Variants in CLSTN2 observed in about 807,000 individuals in gnomAD.
CLSTN2 encodes calsyntenin-2.
CLSTN2 carries 48 observed loss-of-function variants against 101.2 expected under a neutral mutation model. That is an observed-to-expected ratio of 0.47 (90% CI 0.38 to 0.60). The LOEUF is 0.60. CLSTN2 is among the 20% of genes least tolerant of loss of function. CLSTN2 has a pLI of 0.00. For missense variants in CLSTN2, 1,160 were observed against 1,238.2 expected (o/e 0.94, Z 0.95); for synonymous variants, 481 against 463.6 (o/e 1.04, Z -0.48).
intron 2 of CLSTN2, among the ~76,000 whole-genome samples, chr3:140,279,069 A>G (rs955024734): frequency 6.6e-6 from 1 of 152,176 alleles, no homozygotes; most frequent in Non-Finnish European, 1.5e-5. Flanking sequence ...CTACTCTAGT[A>G]CTATATATAA....
intron 1 of CLSTN2, among the ~76,000 whole-genome samples, chr3:140,086,418 C>T (rs1269298984): frequency 6.6e-6 from 1 of 152,102 alleles, no homozygotes; most frequent in African/African-American, 2.4e-5. Context: ...GACTCAATAT[C>T]TTCATATGTC....
intron 2 of CLSTN2, among the ~76,000 whole-genome samples, chr3:140,214,667 A>C (rs1338087425): frequency 6.6e-6 from 1 of 152,192 alleles, no homozygotes; most frequent in African/African-American, 2.4e-5. Context: ...TAATTATTTA[A>C]ATAGCATCTC....
chr3:140,121,192 C>T, intron 1 of CLSTN2, among the ~76,000 whole-genome samples: 1 of 152,164 alleles, frequency 6.6e-6, no homozygotes, highest in East Asian at 1.9e-4. Context: ...TTACAGGAAC[C>T]TCAAGATAGA....
chr3:140,058,518 G>A (rs1008060603), intron 1 of CLSTN2, among the ~76,000 whole-genome samples: 1 of 152,172 alleles, frequency 6.6e-6, no homozygotes, highest in Non-Finnish European at 1.5e-5. Context: ...AGCTTGAGCT[G>A]GTTAAGTCTA....
intron 2 of CLSTN2, among the ~76,000 whole-genome samples, chr3:140,392,698 A>C (rs2088129404): frequency 6.6e-6 from 1 of 152,136 alleles, no homozygotes; most frequent in Admixed American, 6.5e-5. Context: ...TTTGTGCCTA[A>C]GTTCCTAAAG....
intron 2 of CLSTN2, among the ~76,000 whole-genome samples, chr3:140,285,388 G>A (rs2086886589): frequency 6.6e-6 from 1 of 152,128 alleles, no homozygotes; most frequent in Non-Finnish European, 1.5e-5. Context: ...GCTTAAGGGA[G>A]TGTTATGCCC....
At chr3:140,390,857 C>A (rs1474232399) in intron 2 of CLSTN2, among the ~76,000 whole-genome samples, 2 of 152,220 alleles carry the variant, frequency 1.3e-5, no homozygotes, top group African/African-American at 2.4e-5. Context: ...CTTCACATGT[C>A]AAGTAAGTTT....
At chr3:140,375,315 C>T (rs1258605768) in intron 2 of CLSTN2, among the ~76,000 whole-genome samples, 3 of 152,112 alleles carry the variant, frequency 2.0e-5, no homozygotes, top group Non-Finnish European at 2.9e-5. Context: ...CTTTGTGATC[C>T]CTGGGGATCT....
chr3:140,347,817 T>C (rs2087564553), intron 2 of CLSTN2, among the ~76,000 whole-genome samples: 1 of 152,242 alleles, frequency 6.6e-6, no homozygotes, highest in African/African-American at 2.4e-5. Context: ...AAAGAATTTA[T>C]ATGTGGAATC....
At chr3:139,953,678 G>A (rs1935334012) in intron 1 of CLSTN2, among the ~76,000 whole-genome samples, 1 of 152,194 alleles carries the variant, frequency 6.6e-6, no homozygotes, top group African/African-American at 2.4e-5. Context: ...GTGGGAGGAT[G>A]ACTGAGGTAT....
At chr3:140,457,407 T>C (rs1035856948) in intron 6 of CLSTN2, among the ~76,000 whole-genome samples, 2 of 152,236 alleles carry the variant, frequency 1.3e-5, no homozygotes, top group African/African-American at 2.4e-5. Flanking sequence ...CCATGTTGTG[T>C]TATTCCAGGG....
intron 2 of CLSTN2, among the ~76,000 whole-genome samples, chr3:140,306,386 G>A (rs536393147): frequency 6.6e-6 from 1 of 152,092 alleles, no homozygotes; most frequent in South Asian, 2.1e-4. Flanking sequence ...AATTCTAAGA[G>A]GACAGCAACA....
intron 2 of CLSTN2, among the ~76,000 whole-genome samples, chr3:140,312,333 G>A (rs1374537364): frequency 6.6e-6 from 1 of 152,254 alleles, no homozygotes; most frequent in Non-Finnish European, 1.5e-5. Context: ...CTGGTTTGAA[G>A]AGCTGGCGCT....
At chr3:139,960,578 A>C (rs969696177) in intron 1 of CLSTN2, among the ~76,000 whole-genome samples, 2 of 152,230 alleles carry the variant, frequency 1.3e-5, no homozygotes, top group African/African-American at 4.8e-5. Context: ...CCCACTTACT[A>C]TCTGTCTTGA....
At chr3:140,080,181 T>C (rs1445512084) in intron 1 of CLSTN2, among the ~76,000 whole-genome samples, 2 of 152,172 alleles carry the variant, frequency 1.3e-5, no homozygotes, top group South Asian at 2.1e-4. Context: ...GAAACCAACA[T>C]TGAACCTCCT....
intron 1 of CLSTN2, among the ~76,000 whole-genome samples, chr3:139,967,453 C>A (rs1193647012): frequency 6.6e-6 from 1 of 152,164 alleles, no homozygotes; most frequent in African/African-American, 2.4e-5. Context: ...TCAGCAACAC[C>A]CATGCCTTTG....
At chr3:140,200,326 A>G (rs2010701967) in intron 2 of CLSTN2, among the ~76,000 whole-genome samples, 2 of 152,200 alleles carry the variant, frequency 1.3e-5, no homozygotes, top group African/African-American at 2.4e-5. Context: ...AGAATTTTAC[A>G]TAAGTTTCAG....
At chr3:140,431,092 T>C (rs2088624034) in intron 5 of CLSTN2, among the ~76,000 whole-genome samples, 1 of 152,218 alleles carries the variant, frequency 6.6e-6, no homozygotes, top group African/African-American at 2.4e-5. Context: ...ATCTATAAGA[T>C]GGTGATGAGA....
At chr3:139,961,582 T>TTA (rs1193116985) in intron 1 of CLSTN2, among the ~76,000 whole-genome samples, 1 of 152,304 alleles carries the variant, frequency 6.6e-6, no homozygotes, top group East Asian at 1.9e-4. Context: ...TGGGTTCACA[T>TTA]TATAGGGTGG....
Sources: allele counts gnomAD v4.1 joint callset (sites outside exome capture counted in the v4.1 genomes callset), GRCh38; gene constraint gnomAD v4.1.1; transcripts MANE v1.5; gene names NCBI Gene and HGNC (gene_info 2026-07-23, HGNC 2026-07-21).